UBE2G1: variants seen among roughly 807,000 people sequenced by gnomAD.
UBE2G1 encodes ubiquitin-conjugating enzyme E2 G1.
In UBE2G1, 5 loss-of-function variants were observed where a neutral mutation model predicts 22.7. The ratio of observed to expected loss-of-function variants is 0.22; its 90% CI spans 0.12 to 0.46. The LOEUF is 0.46. Ranked by LOEUF, UBE2G1 falls within the 20% of genes least tolerant of loss-of-function variation. UBE2G1 has a pLI of 0.99. For synonymous variants in UBE2G1, 74 were observed against 67.5 expected (o/e 1.10, Z -0.47); for missense variants, 88 against 203.9 (o/e 0.43, Z 3.46).
rs568607103 is a variant in UBE2G1 at position 4,366,650 on chromosome 17, C to T, written c.-334G>A. 10 of 245,294 alleles carry T rather than the reference C, an allele frequency of 4.1e-5. No individual in the cohort carries two copies. The highest frequency in any genetic ancestry group is 7.1e-5 in the Non-Finnish European group (9 of 126,744). The allele number at this position is 245,294 out of a possible 1,614,324, so 15.2% of individuals were successfully genotyped here. The stretch of plus-strand genomic sequence containing the variant: ...CGCCACTGCCTCACTGCGCGCAGGG[C>T]CGCTCGGCGCAGGCGCGCTGAGACT... On this transcript the variant is annotated 5_prime_UTR_variant, in exon 1 of 6. Coordinates refer to ENST00000396981, the MANE Select transcript of UBE2G1 (RefSeq NM_003342.5).
intron 1 of UBE2G1, among the ~76,000 whole-genome samples, chr17:4,312,528 C>T (rs1240598500): frequency 6.6e-6 from 1 of 151,732 alleles, no homozygotes; most frequent in African/African-American, 2.4e-5. Flanking sequence ...AACCCCGTCT[C>T]TACTAAAAAT....
At position 4,299,221 on chromosome 17, in the gene UBE2G1, T is replaced by C. The variant is rs554338267; in HGVS notation, c.150-2407A>G. 1.5e-4 allele frequency among the ~76,000 whole-genome samples: 23 copies of C among 152,314 alleles called. 1 individual carries two copies. In the South Asian group the frequency reaches 4.8e-3, roughly 32 times the overall value. On this transcript the variant is annotated intron_variant, in intron 2 of 5. Transcript: ENST00000396981. ...CGTCATGATGTAAAGTATTTCTAAT[T>C]ATGGGTTTGAAAGCCACAATTACAG...
At chr17:4,295,044 A>G (rs1176784729) in intron 3 of UBE2G1, among the ~76,000 whole-genome samples, 2 of 152,204 alleles carry the variant, frequency 1.3e-5, no homozygotes, top group African/African-American at 4.8e-5. Context: ...TAAGGCTCCA[A>G]CAGGGTTTGC....
intron 1 of UBE2G1, among the ~76,000 whole-genome samples, chr17:4,322,703 A>T (rs1969455666): frequency 6.6e-6 from 1 of 152,216 alleles, no homozygotes; most frequent in Non-Finnish European, 1.5e-5. Flanking sequence ...GCATTTATTT[A>T]AAGGCAAGGG....
rs1017558981 is a variant in UBE2G1 at position 4,366,382 on chromosome 17, G to A, written c.-66C>T. On this transcript the variant is annotated 5_prime_UTR_variant, in exon 1 of 6. Coordinates refer to ENST00000396981, the MANE Select transcript of UBE2G1 (RefSeq NM_003342.5). ...AGGGCTGGGGACAGGCTCTGGGGGC[G>A]GCTGGAGCGGGGTGTGCCGAGGAAC... is the stretch of plus-strand genomic sequence containing the variant. 7.4e-5 allele frequency: 104 copies of A among 1,405,838 alleles called. No individual in the cohort carries two copies. Among genetic ancestry groups the A allele is most frequent in the Non-Finnish European group, 6.1e-5 (66 of 1,081,792 alleles). The allele number at this position is 1,405,838 out of a possible 1,614,324, so 87.1% of individuals were successfully genotyped here. A position where few individuals can be genotyped will look rare whatever the true frequency, so the allele number is the denominator to read the frequency against.
intron 5 of UBE2G1, among the ~76,000 whole-genome samples, chr17:4,276,071 C>T (rs542641824): frequency 6.6e-6 from 1 of 152,212 alleles, no homozygotes; most frequent in South Asian, 2.1e-4. Context: ...CTGCTCTCTA[C>T]ACCAAACAGA....
At chr17:4,331,454 A>T (rs1969576956) in intron 1 of UBE2G1, among the ~76,000 whole-genome samples, 1 of 152,164 alleles carries the variant, frequency 6.6e-6, no homozygotes, top group African/African-American at 2.4e-5. Context: ...GACATGGGGA[A>T]ATATTTACAA....
chr17:4,332,622 G>T (rs1010443456), intron 1 of UBE2G1, among the ~76,000 whole-genome samples: 35 of 151,842 alleles, frequency 2.3e-4, no homozygotes, highest in African/African-American at 8.5e-4. Context: ...CACCGCAGGG[G>T]CTTTAACCAG....
At chr17:4,317,311 C>T (rs73328792) in intron 1 of UBE2G1, among the ~76,000 whole-genome samples, 144 of 152,250 alleles carry the variant, frequency 9.5e-4, no homozygotes, top group African/African-American at 3.4e-3. Context: ...GATCGTGTCA[C>T]TGCACTACAG....
chr17:4,348,320 G>A lies in UBE2G1; in HGVS notation c.46+17951C>T, dbSNP rs960980844. On this transcript the variant is annotated intron_variant, in intron 1 of 5. Coordinates refer to ENST00000396981, the MANE Select transcript of UBE2G1 (RefSeq NM_003342.5). Reference sequence around the variant, plus strand: ...TGTAATCCCAGCACTTTGGGAGGCCGAGGCGGGCGGATCACGAGGTCAGGA... The same window carrying A: ...TGTAATCCCAGCACTTTGGGAGGCCAAGGCGGGCGGATCACGAGGTCAGGA... Among the ~76,000 whole-genome samples the A allele has an allele frequency of 2.0e-5, 3 of 151,770 alleles. No individual in the cohort carries two copies. In the South Asian group the frequency reaches 6.2e-4, roughly 32 times the overall value.
chr17:4,291,674 C>T (rs1424925607), intron 3 of UBE2G1, among the ~76,000 whole-genome samples: 4 of 152,036 alleles, frequency 2.6e-5, no homozygotes, highest in Admixed American at 2.0e-4. Context: ...GGCTTAATAC[C>T]TATTATCAAA....
chr17:4,334,607 C>T (rs971844897), intron 1 of UBE2G1, among the ~76,000 whole-genome samples: 1 of 152,118 alleles, frequency 6.6e-6, no homozygotes, highest in Non-Finnish European at 1.5e-5. Flanking sequence ...GGCACAATCT[C>T]AGCTCACTGC....
chr17:4,281,251 G>C (rs1968886816), intron 5 of UBE2G1, among the ~76,000 whole-genome samples: 1 of 152,184 alleles, frequency 6.6e-6, no homozygotes, highest in African/African-American at 2.4e-5. Context: ...AGATCAATTT[G>C]AAGAATATTG....
chr17:4,285,606 G>T (rs898011163), intron 4 of UBE2G1, among the ~76,000 whole-genome samples: 1 of 152,140 alleles, frequency 6.6e-6, no homozygotes, highest in African/African-American at 2.4e-5. Context: ...AGCAGTGAAG[G>T]GGTAATCTGA....
intron 1 of UBE2G1, among the ~76,000 whole-genome samples, chr17:4,321,863 T>C (rs982157655): frequency 6.6e-6 from 1 of 152,198 alleles, no homozygotes; most frequent in Admixed American, 6.6e-5. Context: ...CCTAGGCTAT[T>C]AGTGTGCGAT....
chr17:4,307,190 A>G, intron 1 of UBE2G1, 67 bp from the exon 2 acceptor site: 1 of 1,332,016 alleles, frequency 7.5e-7, no homozygotes, highest in Non-Finnish European at 1.1e-6. Flanking sequence ...GATAAATTAC[A>G]GAACTTGAGC....
intron 5 of UBE2G1, among the ~76,000 whole-genome samples, chr17:4,277,607 C>CCA (rs1340146299): frequency 1.3e-5 from 2 of 152,150 alleles, no homozygotes; most frequent in Non-Finnish European, 2.9e-5. Flanking sequence ...CAAGTGGCAC[C>CCA]CACAGTAATC....
chr17:4,341,050 CAAAAAAAA>C (rs71383550), intron 1 of UBE2G1, among the ~76,000 whole-genome samples: 2 of 85,962 alleles, frequency 2.3e-5, no homozygotes, highest in East Asian at 4.3e-4. Flanking sequence ...AGTGTCTTTA[CAAAAAAAA>C]AAAAAAAAAA....
intron 1 of UBE2G1, among the ~76,000 whole-genome samples, chr17:4,317,502 C>G (rs779122266): frequency 2.0e-5 from 3 of 152,128 alleles, no homozygotes; most frequent in African/African-American, 7.2e-5. Flanking sequence ...CTGGGAAATA[C>G]AGAGTGAGAC....
Sources: gnomAD v4.1 joint callset for allele counts (sites outside exome capture counted in the v4.1 genomes callset) on GRCh38, gnomAD v4.1.1 for gene constraint, MANE v1.5 for transcripts, NCBI Gene and HGNC (gene_info 2026-07-23, HGNC 2026-07-21) for gene names.